The following ELL2 variants were observed in gnomAD, a reference collection of about 807,000 sequenced individuals.
ELL2 encodes the protein RNA polymerase II elongation factor ELL2.
A neutral mutation model predicts 72.8 loss-of-function variants in ELL2; 21 were observed. That is an observed-to-expected ratio of 0.29 (90% CI 0.20 to 0.42). The LOEUF is 0.42. ELL2 is among the 10% of genes least tolerant of loss of function. The probability of loss-of-function intolerance (pLI) is 1.00; values close to 1 mark genes in which losing one functional copy is unlikely to be tolerated. For synonymous variants in ELL2, 266 were observed against 283.2 expected, an observed-to-expected ratio of 0.94 and a Z score of 0.61; for missense variants, 568 against 772.8, an observed-to-expected ratio of 0.73 and a Z score of 3.14.
intron 2 of ELL2, among the ~76,000 whole-genome samples, chr5:95,931,796 TAAAAAAAA>T (rs368583353): frequency 2.8e-5 from 2 of 72,546 alleles, no homozygotes; most frequent in African/African-American, 6.6e-5. Context: ...GCCCTATCCA[TAAAAAAAA>T]AAAAAAAAAA....
At chr5:95,913,423 C>T in intron 4 of ELL2, 1 of 165,642 alleles carries the variant, frequency 6.0e-6, no homozygotes, top group Non-Finnish European at 1.3e-5. Context: ...AAAACAAGAA[C>T]CATAGTATCC....
intron 5 of ELL2, 187 bp from the exon 6 acceptor site, chr5:95,901,267 T>C: frequency 2.1e-6 from 1 of 483,242 alleles, no homozygotes; most frequent in Non-Finnish European, 3.5e-6. Context: ...TAAAGCTTTA[T>C]ATACACAGCT....
intron 3 of ELL2, among the ~76,000 whole-genome samples, chr5:95,916,518 T>C (rs1045474887): frequency 6.7e-6 from 1 of 150,062 alleles, no homozygotes; most frequent in African/African-American, 2.5e-5. Flanking sequence ...CAGGAGAGAG[T>C]GGTCAACAGT....
chr5:95,952,200 G>A (rs1751436852), intron 1 of ELL2, among the ~76,000 whole-genome samples: 1 of 151,920 alleles, frequency 6.6e-6, no homozygotes, highest in Non-Finnish European at 1.5e-5. Context: ...AACTAACACA[G>A]GAACAAAAAA....
intron 2 of ELL2, among the ~76,000 whole-genome samples, chr5:95,929,203 T>C (rs1750504245): frequency 6.6e-6 from 1 of 152,132 alleles, no homozygotes; most frequent in Non-Finnish European, 1.5e-5. Flanking sequence ...CTCATTTATT[T>C]GCCTTTCTCT....
intron 2 of ELL2, among the ~76,000 whole-genome samples, chr5:95,934,515 A>G (rs1022350566): frequency 5.9e-5 from 9 of 152,190 alleles, no homozygotes; most frequent in African/African-American, 2.2e-4. Flanking sequence ...TCAAGTGTTA[A>G]CTCAGAAAGG....
chr5:95,888,876 A>G lies in ELL2; in HGVS notation c.1918T>C (p.Ser640Pro), dbSNP rs1016131695. The G allele has an allele frequency of 6.2e-7, 1 of 1,604,228 alleles. No homozygotes were observed. The highest frequency in any genetic ancestry group is 1.3e-5 in the African/African-American group (1 of 74,396). ...CTTCTGGTCCAAGCAGAGTTCTAGG[A>G]CCATGACTCTGCTTGCTGTTGGTCA... is the stretch of plus-strand genomic sequence containing the variant. ...EFDQQQAESW[S>P] The change falls in exon 12 of 12, where the codon TCC becomes CCC. Residue 640 changes from serine to proline, a missense_variant. Around this residue, in one of 2 missense-constraint regions of ELL2, gnomAD observed 511 missense variants for 728.4 expected, o/e 0.70. Coordinates refer to ENST00000237853, the MANE Select transcript of ELL2 (RefSeq NM_012081.6).
At chr5:95,939,828 A>C (rs1477455494) in intron 2 of ELL2, among the ~76,000 whole-genome samples, 2 of 152,236 alleles carry the variant, frequency 1.3e-5, no homozygotes, top group South Asian at 2.1e-4. Context: ...AATTGGGTGC[A>C]TTATACCATT....
intron 3 of ELL2, among the ~76,000 whole-genome samples, chr5:95,915,761 C>G (rs1749769633): frequency 6.6e-6 from 1 of 152,066 alleles, no homozygotes; most frequent in Non-Finnish European, 1.5e-5. Context: ...GGGAGGACAA[C>G]TAATCTGTGC....
Position 95,887,062 on chromosome 5 carries a change from A to G in ELL2, c.*1809T>C, listed in dbSNP as rs535429837. ...TTTTTCAATTAAAAAGTTTGAAATA[A>G]ATTAACGTTTAATAATGATTGTACC... On this transcript the variant is annotated 3_prime_UTR_variant, in exon 12 of 12. Coordinates refer to ENST00000237853, the MANE Select transcript of ELL2 (RefSeq NM_012081.6). The G allele has an allele frequency of 1.7e-4, 26 of 152,308 alleles. No homozygotes were observed. The highest frequency in any genetic ancestry group is 6.0e-4 in the African/African-American group (25 of 41,584). 9.4% of individuals were successfully genotyped at this position (152,308 alleles called of 1,614,324 possible).
chr5:95,898,940 C>T lies in ELL2; in HGVS notation c.955-130G>A, dbSNP rs542804205. On this transcript the variant is annotated intron_variant, in intron 7 of 11. Coordinates refer to ENST00000237853, the MANE Select transcript of ELL2 (RefSeq NM_012081.6). ...ATATTACCAGGGTTGTAATATTACA[C>T]GCTTTCTTCATGCTTAAGCAAAAAA... 2.2e-4 allele frequency: 139 copies of T among 628,254 alleles called. No individual in the cohort carries two copies. In the African/African-American group the frequency reaches 2.4e-3, roughly 11 times the overall value. 38.9% of individuals were successfully genotyped at this position (628,254 alleles called of 1,614,324 possible). A position where few individuals can be genotyped will look rare whatever the true frequency, so the allele number is the denominator to read the frequency against.
At chr5:95,932,366 T>A (rs1580520440) in intron 2 of ELL2, among the ~76,000 whole-genome samples, 1 of 152,150 alleles carries the variant, frequency 6.6e-6, no homozygotes, top group Non-Finnish European at 1.5e-5. Flanking sequence ...AAAAGATTTC[T>A]AAGGATGGTT....
intron 2 of ELL2, among the ~76,000 whole-genome samples, chr5:95,928,897 C>T (rs1162347714): frequency 6.6e-6 from 1 of 152,154 alleles, no homozygotes; most frequent in Admixed American, 6.5e-5. Context: ...ATATATGTTT[C>T]CTTGTCAGCA....
intron 2 of ELL2, among the ~76,000 whole-genome samples, chr5:95,932,480 T>A (rs1270072084): frequency 6.6e-6 from 1 of 152,264 alleles, no homozygotes; most frequent in Non-Finnish European, 1.5e-5. Flanking sequence ...GTAATTACTA[T>A]ATTTGAATAA....
chr5:95,889,474 G>A (rs993910021), intron 10 of ELL2, among the ~76,000 whole-genome samples: 2 of 152,142 alleles, frequency 1.3e-5, no homozygotes, highest in Non-Finnish European at 2.9e-5. Context: ...ACATGCCAAA[G>A]TGTTTTATGT....
intron 7 of ELL2, 116 bp from the exon 8 acceptor site, chr5:95,898,926 G>T (rs3777201): frequency 0.27 from 200,929 of 733,230 alleles, 28,574 homozygotes; most frequent in African/African-American, 0.44. Flanking sequence ...TATTACCAGG[G>T]TTGTAATATT....
chr5:95,888,752 T>G lies in ELL2; in HGVS notation c.*119A>C. 6.0e-6 allele frequency: 4 copies of G among 667,842 alleles called. No homozygotes were observed. The highest frequency in any genetic ancestry group is 7.1e-6 in the Non-Finnish European group (3 of 424,566). 41.4% of individuals were successfully genotyped at this position (667,842 alleles called of 1,614,324 possible). A position where few individuals can be genotyped will look rare whatever the true frequency, so the allele number is the denominator to read the frequency against. ...TGGAAAAGAAAAAGTAACTCAAGTT[T>G]ACTAATACTGAAACTTTCAACAGCC... is the stretch of plus-strand genomic sequence containing the variant. On this transcript the variant is annotated 3_prime_UTR_variant, in exon 12 of 12. Transcript: ENST00000237853.
In ELL2 at chr5:95,886,611, A is replaced by G. The variant is rs1032799824; in HGVS notation, c.*2260T>C. ...TGAAACAACTGAGGAGGTGCCTCAG[A>G]TCATGCAAAGGGGAAAAGTGATTTG... is the stretch of plus-strand genomic sequence containing the variant. On this transcript the variant is annotated 3_prime_UTR_variant, in exon 12 of 12. Coordinates refer to ENST00000237853, the MANE Select transcript of ELL2 (RefSeq NM_012081.6). 4 of 151,844 alleles carry G rather than the reference A, an allele frequency of 2.6e-5. No individual in the cohort carries two copies. The highest frequency in any genetic ancestry group is 4.4e-5 in the Non-Finnish European group (3 of 67,980). The allele number at this position is 151,844 out of a possible 1,614,324, so 9.4% of individuals were successfully genotyped here.
intron 4 of ELL2, among the ~76,000 whole-genome samples, chr5:95,907,752 CCT>C (rs1421446123): frequency 1.3e-5 from 2 of 152,130 alleles, no homozygotes; most frequent in Non-Finnish European, 2.9e-5. Context: ...AATTCTATGC[CCT>C]CTGGTTAAAG....
Sources: gnomAD v4.1 joint callset for allele counts (sites outside exome capture counted in the v4.1 genomes callset) on GRCh38, gnomAD v4.1.1 for gene constraint, gnomAD v4.1.1 regional missense constraint, MANE v1.5 for transcripts, NCBI Gene and HGNC (gene_info 2026-07-23, HGNC 2026-07-21) for gene names.